CCSER1: variants seen among roughly 807,000 people sequenced by gnomAD.
CCSER1 encodes the protein coiled-coil serine rich protein 1, also known as serine-rich coiled-coil domain-containing protein 1.
A neutral mutation model predicts 82.0 loss-of-function variants in CCSER1; 41 were observed. The observed-to-expected ratio is 0.50, with a 90% CI of 0.39 to 0.65. The LOEUF (loss-of-function observed/expected upper bound fraction) is 0.65, where lower values mean the gene tolerates loss of function less well. Among genes scored for constraint, CCSER1 ranks in the 30% least tolerant of loss-of-function variants. CCSER1 has a pLI of 0.00. For synonymous variants in CCSER1, 414 were observed against 383.9 expected, an observed-to-expected ratio of 1.08 and a Z score of -0.92; for missense variants, 1,119 against 1,064.2, an observed-to-expected ratio of 1.05 and a Z score of -0.72.
chr4:91,304,180 C>T (rs1744876151), intron 10 of CCSER1, among the ~76,000 whole-genome samples: 1 of 151,872 alleles, frequency 6.6e-6, no homozygotes, highest in African/African-American at 2.4e-5. Flanking sequence ...TTATTGATGG[C>T]AACTCTCTGG....
At chr4:91,412,698 C>G (rs536223225) in intron 10 of CCSER1, among the ~76,000 whole-genome samples, 1 of 152,104 alleles carries the variant, frequency 6.6e-6, no homozygotes, top group African/African-American at 2.4e-5. Flanking sequence ...CTTTATCATC[C>G]CAGATACCAA....
intron 10 of CCSER1, among the ~76,000 whole-genome samples, chr4:91,533,280 A>C (rs1761126660): frequency 6.6e-6 from 1 of 152,194 alleles, no homozygotes; most frequent in African/African-American, 2.4e-5. Flanking sequence ...GTATGAGTTA[A>C]ACAAATGTCT....
At chr4:90,243,391 G>A (rs1720760584) in intron 1 of CCSER1, among the ~76,000 whole-genome samples, 1 of 151,996 alleles carries the variant, frequency 6.6e-6, no homozygotes, top group Admixed American at 6.5e-5. Context: ...TGGGATTACA[G>A]GAGCGTGCCA....
At chr4:90,278,418 A>T (rs570631125) in intron 1 of CCSER1, among the ~76,000 whole-genome samples, 1 of 152,264 alleles carries the variant, frequency 6.6e-6, no homozygotes, top group Admixed American at 6.5e-5. Flanking sequence ...AAAAACATAG[A>T]ATCATCCCTG....
chr4:90,500,575 C>G (rs1259120418), intron 5 of CCSER1, among the ~76,000 whole-genome samples: 1 of 152,040 alleles, frequency 6.6e-6, no homozygotes, highest in African/African-American at 2.4e-5. Context: ...AAGTGATCTA[C>G]CCGCCAACTC....
chr4:91,312,594 C>T (rs972467176), intron 10 of CCSER1, among the ~76,000 whole-genome samples: 15 of 151,790 alleles, frequency 9.9e-5, no homozygotes, highest in African/African-American at 3.6e-4. Context: ...GAAAAAAAGG[C>T]ATAAAGCACG....
At chr4:91,075,117 GCAGTTAC>G (rs1561524913) in intron 9 of CCSER1, among the ~76,000 whole-genome samples, 1 of 151,792 alleles carries the variant, frequency 6.6e-6, no homozygotes, top group African/African-American at 2.4e-5. Context: ...GTATGCCAGC[GCAGTTAC>G]CAGGGGTGTT....
chr4:90,573,951 T>C (rs1780402615), intron 5 of CCSER1, among the ~76,000 whole-genome samples: 1 of 152,072 alleles, frequency 6.6e-6, no homozygotes, highest in Admixed American at 6.5e-5. Flanking sequence ...TCTTTATAAG[T>C]ATCTTCTTTT....
chr4:91,425,755 C>A (rs1349131220), intron 10 of CCSER1, among the ~76,000 whole-genome samples: 1 of 152,142 alleles, frequency 6.6e-6, no homozygotes, highest in African/African-American at 2.4e-5. Flanking sequence ...TGCTGCTCAA[C>A]AAGTATAAAG....
chr4:90,224,077 A>G (rs1742674559), intron 1 of CCSER1, among the ~76,000 whole-genome samples: 1 of 152,146 alleles, frequency 6.6e-6, no homozygotes, highest in African/African-American at 2.4e-5. Flanking sequence ...TATTTTCTTC[A>G]TGTGTTAGTA....
chr4:90,283,696 A>G (rs1729297044), intron 1 of CCSER1, among the ~76,000 whole-genome samples: 2 of 151,984 alleles, frequency 1.3e-5, no homozygotes, highest in African/African-American at 4.8e-5. Context: ...TCCATTGTGT[A>G]TATGGATCAC....
At chr4:91,016,984 G>A (rs1366848468) in intron 9 of CCSER1, among the ~76,000 whole-genome samples, 1 of 152,020 alleles carries the variant, frequency 6.6e-6, no homozygotes, top group African/African-American at 2.4e-5. Flanking sequence ...AAGGAATAAA[G>A]TTCATAGAAG....
chr4:90,242,506 GGAT>G (rs527239430), intron 1 of CCSER1, among the ~76,000 whole-genome samples: 27 of 152,218 alleles, frequency 1.8e-4, no homozygotes, highest in South Asian at 8.3e-4. Flanking sequence ...CATATGAAAA[GGAT>G]GATGATAATA....
At chr4:91,342,598 AAAAC>A (rs1307962643) in intron 10 of CCSER1, among the ~76,000 whole-genome samples, 9 of 152,178 alleles carry the variant, frequency 5.9e-5, no homozygotes, top group African/African-American at 1.9e-4. Flanking sequence ...AAAACAAAGT[AAAAC>A]AAAAGATAGG....
intron 1 of CCSER1, among the ~76,000 whole-genome samples, chr4:90,169,597 A>C (rs1005089294): frequency 1.3e-5 from 2 of 152,082 alleles, no homozygotes; most frequent in Non-Finnish European, 2.9e-5. Flanking sequence ...TCTCAGAAAG[A>C]AATAGAATAT....
intron 3 of CCSER1, among the ~76,000 whole-genome samples, 197 bp from the exon 4 acceptor site, chr4:90,399,839 G>A (rs2153544242): frequency 6.6e-6 from 1 of 152,080 alleles, no homozygotes; most frequent in East Asian, 1.9e-4. Context: ...AAAGTTAAGA[G>A]GTTTTAGAAT....
rs142479096 is a variant in CCSER1 at position 91,510,211 on chromosome 4, T to C, written c.2218-88361T>C. On this transcript the variant is annotated intron_variant, in intron 10 of 10. Coordinates refer to ENST00000509176, the MANE Select transcript of CCSER1 (RefSeq NM_001145065.2). ...TTTTGATTTTTGTGGCTATGTAGTATTCCATGGTGTATATGTGTTACATTT... is the reference window on the plus strand; with the variant it reads ...TTTTGATTTTTGTGGCTATGTAGTACTCCATGGTGTATATGTGTTACATTT... Among the ~76,000 whole-genome samples the C allele has an allele frequency of 6.9e-4, 105 of 152,346 alleles. 3 individuals carry two copies. The East Asian group carries it at 0.016, about 23-fold the overall frequency.
intron 10 of CCSER1, among the ~76,000 whole-genome samples, chr4:91,467,573 A>G (rs1756994361): frequency 6.6e-6 from 1 of 152,186 alleles, no homozygotes; most frequent in Non-Finnish European, 1.5e-5. Flanking sequence ...CAACCTACAG[A>G]ATGGGAGAAA....
chr4:90,740,421 T>C (rs1195941198), intron 7 of CCSER1, among the ~76,000 whole-genome samples: 2 of 152,204 alleles, frequency 1.3e-5, no homozygotes, highest in Non-Finnish European at 1.5e-5. Context: ...AAATTATTTT[T>C]ACATAAATTA....
Sources: gnomAD v4.1 joint callset for allele counts (sites outside exome capture counted in the v4.1 genomes callset) on GRCh38, gnomAD v4.1.1 for gene constraint, MANE v1.5 for transcripts, NCBI Gene and HGNC (gene_info 2026-07-23, HGNC 2026-07-21) for gene names.